Variants in GNG2 observed in about 807,000 individuals in gnomAD.
GNG2 encodes the protein G protein subunit gamma 2.
GNG2 carries 5 observed loss-of-function variants against 5.5 expected under a neutral mutation model. The observed-to-expected ratio is 0.91, with a 90% CI of 0.48 to 1.92. The LOEUF is 1.92. Among genes scored for constraint, GNG2 ranks in the 30% most tolerant of loss-of-function variants. The probability of loss-of-function intolerance (pLI) is 0.01; values close to 1 mark genes in which losing one functional copy is unlikely to be tolerated. For missense variants in GNG2, 55 were observed against 88.4 expected, an observed-to-expected ratio of 0.62 and a Z score of 1.52; for synonymous variants, 28 against 32.0, an observed-to-expected ratio of 0.88 and a Z score of 0.42.
chr14:51,886,320 T>C (rs1432433586), intron 2 of GNG2, among the ~76,000 whole-genome samples: 1 of 152,188 alleles, frequency 6.6e-6, no homozygotes, highest in African/African-American at 2.4e-5. Flanking sequence ...TGAGCACTGG[T>C]GTGAGGCTGA....
chr14:51,882,982 C>T (rs1376324032), intron 2 of GNG2, among the ~76,000 whole-genome samples: 2 of 147,862 alleles, frequency 1.4e-5, no homozygotes, highest in Non-Finnish European at 3.0e-5. Context: ...TGCACTCCAG[C>T]CTGGGTGACA....
intron 2 of GNG2, among the ~76,000 whole-genome samples, chr14:51,941,967 A>G (rs1383462186): frequency 1.3e-5 from 2 of 152,216 alleles, no homozygotes; most frequent in Non-Finnish European, 2.9e-5. Flanking sequence ...AATCTCTTAT[A>G]CACAATTCCT....
At chr14:51,906,305 T>C (rs1885913004) in intron 2 of GNG2, among the ~76,000 whole-genome samples, 1 of 152,232 alleles carries the variant, frequency 6.6e-6, no homozygotes, top group Non-Finnish European at 1.5e-5. Flanking sequence ...TTGTGATACA[T>C]TTTATGTACC....
At chr14:51,943,046 C>G (rs1888438752) in intron 2 of GNG2, among the ~76,000 whole-genome samples, 3 of 152,148 alleles carry the variant, frequency 2.0e-5, no homozygotes. Flanking sequence ...CCATTTACCT[C>G]TGCCCCATCA....
chr14:51,908,868 C>T (rs530247369), intron 2 of GNG2, among the ~76,000 whole-genome samples: 8 of 150,824 alleles, frequency 5.3e-5, no homozygotes, highest in Admixed American at 1.3e-4. Flanking sequence ...CATGAGCCAC[C>T]GCACCCAGCC....
intron 3 of GNG2, among the ~76,000 whole-genome samples, chr14:51,964,538 C>T (rs920206099): frequency 1.4e-4 from 21 of 152,332 alleles, no homozygotes; most frequent in Non-Finnish European, 5.9e-5. Context: ...TCAGCTGCCA[C>T]TCCACACCAT....
At chr14:51,954,934 A>T (rs1171200802) in intron 3 of GNG2, among the ~76,000 whole-genome samples, 1 of 152,172 alleles carries the variant, frequency 6.6e-6, no homozygotes, top group East Asian at 1.9e-4. Context: ...CTGACATTCA[A>T]ATTGAACTCC....
intron 2 of GNG2, among the ~76,000 whole-genome samples, chr14:51,842,661 C>T (rs1034840847): frequency 1.4e-5 from 2 of 145,844 alleles, no homozygotes; most frequent in Non-Finnish European, 3.0e-5. Context: ...CAGTTATTTG[C>T]CAGAATTTTT....
intron 2 of GNG2, among the ~76,000 whole-genome samples, chr14:51,908,667 TC>T (rs10717240): frequency 0.38 from 57,377 of 151,034 alleles, 12,226 homozygotes; most frequent in East Asian, 0.68. Context: ...CCTCCTGGGT[TC>T]AAGCAATTCT....
rs772075390 is a variant in GNG2, at chr14:51,967,472, A to G, written c.*785A>G. The G allele has an allele frequency of 6.6e-6, 1 of 152,138 alleles. No homozygotes were observed. The highest frequency in any genetic ancestry group is 1.5e-5 in the Non-Finnish European group (1 of 68,010). The allele number at this position is 152,138 out of a possible 1,614,324, so 9.4% of individuals were successfully genotyped here. On this transcript the variant is annotated 3_prime_UTR_variant, in exon 4 of 4. Transcript: ENST00000556766. ...AGTAATATTGCATGAAAATGTCCCT[A>G]TGTTACATCCATTCAGAAGTTTTGT...
chr14:51,932,563 G>A (rs1887731183), intron 2 of GNG2, among the ~76,000 whole-genome samples: 1 of 152,144 alleles, frequency 6.6e-6, no homozygotes, highest in African/African-American at 2.4e-5. Context: ...GGTCAAGGCT[G>A]CAGTTAGCCA....
chr14:51,868,263 G>A (rs7154813), intron 1 of GNG2, among the ~76,000 whole-genome samples: 64,267 of 151,946 alleles, frequency 0.42, 14,005 homozygotes, highest in African/African-American at 0.5. Flanking sequence ...GAGAGACTCA[G>A]TAAACACATA....
intron 2 of GNG2, among the ~76,000 whole-genome samples, chr14:51,832,319 T>A (rs969854942): frequency 2.0e-5 from 3 of 151,722 alleles, no homozygotes; most frequent in Non-Finnish European, 4.4e-5. Flanking sequence ...ATGGCAAAGC[T>A]ATTTCAAATG....
intron 1 of GNG2, among the ~76,000 whole-genome samples, chr14:51,865,749 A>G (rs976654145): frequency 1.3e-5 from 2 of 152,212 alleles, no homozygotes; most frequent in African/African-American, 4.8e-5. Context: ...TTAGTACCCT[A>G]TGTAAATATG....
chr14:51,843,809 C>T (rs1410085001), intron 2 of GNG2, among the ~76,000 whole-genome samples: 1 of 152,160 alleles, frequency 6.6e-6, no homozygotes, highest in Non-Finnish European at 1.5e-5. Context: ...CTTCAGTCCA[C>T]CCCACCCACA....
At chr14:51,865,756 T>C (rs1217860783) in intron 1 of GNG2, among the ~76,000 whole-genome samples, 2 of 152,178 alleles carry the variant, frequency 1.3e-5, no homozygotes, top group Admixed American at 1.3e-4. Flanking sequence ...CCTATGTAAA[T>C]ATGGAGTTTC....
intron 2 of GNG2, among the ~76,000 whole-genome samples, chr14:51,936,984 C>G (rs1888044931): frequency 6.6e-6 from 1 of 152,082 alleles, no homozygotes; most frequent in Admixed American, 6.5e-5. Context: ...TAAAAAGGGC[C>G]CTTTTCTTGG....
chr14:51,946,245 T>C (rs1175294976), intron 2 of GNG2, among the ~76,000 whole-genome samples: 1 of 152,150 alleles, frequency 6.6e-6, no homozygotes, highest in Non-Finnish European at 1.5e-5. Context: ...TGATTCACGG[T>C]AGAGGTGGGG....
chr14:51,867,857 C>T (rs1796681701), intron 1 of GNG2, among the ~76,000 whole-genome samples: 2 of 152,174 alleles, frequency 1.3e-5, no homozygotes, highest in Admixed American at 6.5e-5. Flanking sequence ...TCTTTCATCA[C>T]AGCATCTAGC....
Sources: allele counts gnomAD v4.1 joint callset (sites outside exome capture counted in the v4.1 genomes callset), GRCh38; gene constraint gnomAD v4.1.1; transcripts MANE v1.5; gene names NCBI Gene and HGNC (gene_info 2026-07-23, HGNC 2026-07-21).